The following SLC43A1 variants were observed in gnomAD, a reference collection of about 807,000 sequenced individuals.
The protein encoded by SLC43A1 is large neutral amino acids transporter small subunit 3.
A neutral mutation model predicts 59.5 loss-of-function variants in SLC43A1; 31 were observed. The observed-to-expected ratio is 0.52, with a 90% CI of 0.39 to 0.70. The LOEUF (loss-of-function observed/expected upper bound fraction) is 0.70, where lower values mean the gene tolerates loss of function less well. Among genes scored for constraint, SLC43A1 ranks in the 30% least tolerant of loss-of-function variants. The probability of loss-of-function intolerance (pLI) is 0.00; values close to 1 mark genes in which losing one functional copy is unlikely to be tolerated. For missense variants in SLC43A1, 598 were observed against 717.8 expected, an observed-to-expected ratio of 0.83 and a Z score of 1.91; for synonymous variants, 259 against 290.9, an observed-to-expected ratio of 0.89 and a Z score of 1.12.
At chr11:57,502,109 A>G (rs1442403133) in intron 2 of SLC43A1, among the ~76,000 whole-genome samples, 4 of 152,190 alleles carry the variant, frequency 2.6e-5, no homozygotes, top group African/African-American at 9.6e-5. Context: ...GCCAACTTGG[A>G]GTTGTGACAA....
chr11:57,500,680 G>T, intron 5 of SLC43A1, 99 bp downstream of exon 5: 3 of 1,011,122 alleles, frequency 3.0e-6, no homozygotes, highest in Non-Finnish European at 1.5e-6. Context: ...GCGTCCACAG[G>T]CCCCTCCCCC....
chr11:57,491,720 C>G lies in SLC43A1; in HGVS notation c.1014G>C (p.Glu338Asp), dbSNP rs35730224. 3,317 of 1,614,262 alleles carry G rather than the reference C, an allele frequency of 2.1e-3. 10 individuals carry two copies. The highest frequency in any genetic ancestry group is 2.2e-3 in the Non-Finnish European group (2,578 of 1,180,040). Residue 338 changes from glutamate to aspartate, a missense_variant, in exon 9 of 15, where the codon GAG becomes GAC. Transcript: ENST00000278426. ...GGGGCCTCAGCGGTGCCTCACCATG[C>G]TCCTGGCCACCAGTCACAAGGTACT... is the stretch of plus-strand genomic sequence containing the variant. ...MLEYLVTGGQ[E>D]HETNEQQQKV...
intron 13 of SLC43A1, 143 bp from the exon 14 acceptor site, chr11:57,487,361 G>A (rs1943770777): frequency 9.6e-7 from 1 of 1,046,954 alleles, no homozygotes; most frequent in African/African-American, 1.6e-5. Flanking sequence ...GGGCTCTTTG[G>A]TCCCCAGCCT....
At chr11:57,497,895 C>T (rs1359385460) in intron 5 of SLC43A1, 50 bp from the exon 6 acceptor site, 1 of 1,388,002 alleles carries the variant, frequency 7.2e-7, no homozygotes, top group South Asian at 1.2e-5. Context: ...TGACCCTTGC[C>T]CAGCATTCCC....
intron 8 of SLC43A1, among the ~76,000 whole-genome samples, chr11:57,492,735 C>CAAAAAAAAA (rs56237225): frequency 2.4e-5 from 2 of 83,522 alleles, no homozygotes; most frequent in South Asian, 4.9e-4. Flanking sequence ...CTCTATTTTA[C>CAAAAAAAAA]AAAAAAAAAA....
At chr11:57,491,560 G>A (rs536957216) in intron 10 of SLC43A1, 31 bp downstream of exon 10, 16 of 1,613,538 alleles carry the variant, frequency 9.9e-6, no homozygotes, top group Middle Eastern at 3.4e-4. Flanking sequence ...TGGGGTGGGC[G>A]TGAGCCAGGG....
chr11:57,510,761 G>T (rs181133652), intron 2 of SLC43A1, among the ~76,000 whole-genome samples: 108 of 152,170 alleles, frequency 7.1e-4, no homozygotes, highest in Non-Finnish European at 1.2e-3. Flanking sequence ...GGGAGGCCGA[G>T]GGGGGTGGAT....
intron 13 of SLC43A1, 77 bp downstream of exon 13, chr11:57,488,839 G>A (rs1943816476): frequency 1.6e-6 from 2 of 1,242,418 alleles, no homozygotes; most frequent in Non-Finnish European, 2.4e-6. Context: ...GATGCCTGGG[G>A]CCCTCCCAAC....
At chr11:57,491,509 C>T in intron 10 of SLC43A1, 82 bp downstream of exon 10, 11 of 1,598,846 alleles carry the variant, frequency 6.9e-6, no homozygotes, top group Non-Finnish European at 9.4e-6. Context: ...TGGGTGGGCC[C>T]AGGCCTAGAG....
At chr11:57,513,509 C>T (rs1944605792) in intron 2 of SLC43A1, among the ~76,000 whole-genome samples, 2 of 152,208 alleles carry the variant, frequency 1.3e-5, no homozygotes, top group African/African-American at 2.4e-5. Context: ...GTAAATGAGG[C>T]TATGTAACTT....
intron 7 of SLC43A1, among the ~76,000 whole-genome samples, chr11:57,495,401 T>C (rs369993370): frequency 2.0e-5 from 3 of 151,908 alleles, no homozygotes; most frequent in East Asian, 3.9e-4. Context: ...GAGGTTGCAG[T>C]TCACTGAAAT....
In SLC43A1 at chr11:57,514,259, T is replaced by C. The variant is rs974224614; in HGVS notation, c.-13-135A>G. On this transcript the variant is annotated intron_variant, in intron 1 of 14. Transcript: ENST00000278426. The surrounding 1 kb of genome is among the most constrained non-coding windows in gnomAD (Gnocchi z 5.5). ...ATGGAGGCCCCATAGAGCCCTGGGCTTCCCAGCCGGTGCCAAGGAGCTGGC... is the reference window on the plus strand; with the variant it reads ...ATGGAGGCCCCATAGAGCCCTGGGCCTCCCAGCCGGTGCCAAGGAGCTGGC... 2.7e-6 allele frequency: 3 copies of C among 1,098,816 alleles called. No homozygotes were observed. Among genetic ancestry groups the C allele is most frequent in the Non-Finnish European group, 3.8e-6 (3 of 795,442 alleles). The allele number at this position is 1,098,816 out of a possible 1,614,324, so 68.1% of individuals were successfully genotyped here. A position where few individuals can be genotyped will look rare whatever the true frequency, so the allele number is the denominator to read the frequency against.
rs541608828 is a variant in SLC43A1 at position 57,509,818 on chromosome 11, A to G, written c.154+4140T>C. On this transcript the variant is annotated intron_variant, in intron 2 of 14. Transcript: ENST00000278426. ...ATAGTTCCTTAAACATGACACCAAG[A>G]TACAAGTGGCAAAAGAGAAAAATAG... Among the ~76,000 whole-genome samples, 6 of 152,318 alleles carry G rather than the reference A, an allele frequency of 3.9e-5. No homozygotes were observed. In the East Asian group the frequency reaches 9.7e-4, roughly 25 times the overall value.
chr11:57,513,438 G>C (rs1324904822), intron 2 of SLC43A1, among the ~76,000 whole-genome samples: 1 of 152,226 alleles, frequency 6.6e-6, no homozygotes, highest in Non-Finnish European at 1.5e-5. Flanking sequence ...CCCAGCTTCG[G>C]GGCCACTCAC....
At position 57,513,967 on chromosome 11, in the gene SLC43A1, T is replaced by A; in HGVS notation, c.145A>T (p.Thr49Ser). ...ILKNEGFYSS[T>S]CPAESSTNTT... ...CCATTTTCAGGCATACCTGGGCACG[T>A]GCTGGAATAGAAGCCCTCGTTCTTC... Residue 49 changes from threonine (T) to serine (S), a missense_variant, in exon 2 of 15, where the codon ACG becomes TCG. Transcript: ENST00000278426. 7.0e-7 allele frequency: 1 copy of A among 1,421,256 alleles called. No homozygotes were observed. The highest frequency in any genetic ancestry group is 1.4e-5 in the African/African-American group (1 of 69,496). 88.0% of individuals were successfully genotyped at this position (1,421,256 alleles called of 1,614,324 possible). A position where few individuals can be genotyped will look rare whatever the true frequency, so the allele number is the denominator to read the frequency against.
chr11:57,510,694 A>T (rs917018104), intron 2 of SLC43A1, among the ~76,000 whole-genome samples: 1 of 151,542 alleles, frequency 6.6e-6, no homozygotes, highest in Non-Finnish European at 1.5e-5. Flanking sequence ...AATTAAATTT[A>T]AAAAAATGTA....
At chr11:57,506,205 G>T (rs1944392225) in intron 2 of SLC43A1, among the ~76,000 whole-genome samples, 1 of 152,180 alleles carries the variant, frequency 6.6e-6, no homozygotes, top group African/African-American at 2.4e-5. Context: ...CATTAGCTGA[G>T]CATAGTGGCG....
chr11:57,515,004 C>T lies in SLC43A1; in HGVS notation c.-14+440G>A. On this transcript the variant is annotated intron_variant, in intron 1 of 14. Coordinates refer to ENST00000278426, the MANE Select transcript of SLC43A1 (RefSeq NM_003627.6). This position sits in a 1 kb window ranked among gnomAD's most constrained non-coding sequence, Gnocchi z 5.3. ...AGCCTCGGCGGGAGGAGAGGGAACGCGGGCGGCGCGGGGGCGGGGAGCGAC... is the reference window on the plus strand; with the variant it reads ...AGCCTCGGCGGGAGGAGAGGGAACGTGGGCGGCGCGGGGGCGGGGAGCGAC... 1 of 984,248 alleles carries T rather than the reference C, an allele frequency of 1.0e-6. No individual in the cohort carries two copies. The highest frequency in any genetic ancestry group is 4.7e-5 in the South Asian group (1 of 21,266). 61.0% of individuals were successfully genotyped at this position (984,248 alleles called of 1,614,324 possible). A position where few individuals can be genotyped will look rare whatever the true frequency, so the allele number is the denominator to read the frequency against.
Position 57,501,026 on chromosome 11 carries a change from G to A in SLC43A1, c.350C>T (p.Ser117Phe), listed in dbSNP as rs1944246771. 1 of 1,602,542 alleles carries A rather than the reference G, an allele frequency of 6.2e-7. No individual in the cohort carries two copies. The highest frequency in any genetic ancestry group is 8.5e-7 in the Non-Finnish European group (1 of 1,174,418). ...GGAGGCCAGGGCCATGAGGGTGCAG[G>A]ACGCAGTGAAGCAGGCACTGTGGAG... Reference protein sequence around the residue: ...RLVGSACFTASCTLMALASRD... With the variant: ...RLVGSACFTAFCTLMALASRD... The change falls in exon 4 of 15, where the codon TCC becomes TTC. Residue 117 changes from serine (S) to phenylalanine (F), a missense_variant. Ser to Phe is a radical substitution (Grantham distance 155). Coordinates refer to ENST00000278426, the MANE Select transcript of SLC43A1 (RefSeq NM_003627.6).
Sources: allele counts gnomAD v4.1 joint callset (sites outside exome capture counted in the v4.1 genomes callset), GRCh38; gene constraint gnomAD v4.1.1; non-coding constraint Gnocchi (gnomAD v3.1); transcripts MANE v1.5; gene names NCBI Gene and HGNC (gene_info 2026-07-23, HGNC 2026-07-21).